PDE6G: variants seen among roughly 807,000 people sequenced by gnomAD.
PDE6G encodes the protein rod cGMP 3',5'-cyclic phosphodiesterase subunit gamma.
In PDE6G, 10 loss-of-function variants were observed where a neutral mutation model predicts 10.9. The observed-to-expected ratio is 0.91, with a 90% confidence interval of 0.56 to 1.55. The LOEUF is 1.55. Ranked by LOEUF, PDE6G falls within the 40% of genes most tolerant of loss-of-function variation. The pLI, the probability that PDE6G is intolerant of heterozygous loss-of-function variation, is 0.00. For synonymous variants in PDE6G, 41 were observed against 42.8 expected (o/e 0.96, Z 0.16); for missense variants, 102 against 110.1 (o/e 0.93, Z 0.33).
At position 81,654,537 on chromosome 17, in the gene PDE6G, A is replaced by G. The variant is rs537303867; in HGVS notation, c.-59-1173T>C. On this transcript the variant is annotated intron_variant, in intron 1 of 3. Coordinates refer to ENST00000331056, the MANE Select transcript of PDE6G (RefSeq NM_002602.4). ...TCAGATTACAGGCATGCGCCACCACACCCAGCTAATTTTTCTTTGTGTTTT... is the reference window on the plus strand; with the variant it reads ...TCAGATTACAGGCATGCGCCACCACGCCCAGCTAATTTTTCTTTGTGTTTT... Among the ~76,000 whole-genome samples the G allele has an allele frequency of 1.6e-3, 234 of 150,730 alleles. 1 individual carries two copies. Among genetic ancestry groups the G allele is most frequent in the African/African-American group, 5.5e-3 (224 of 40,958 alleles).
At chr17:81,657,479 G>A (rs766451848), upstream of PDE6G, among the ~76,000 whole-genome samples, 2 of 152,178 alleles carry the variant, frequency 1.3e-5, no homozygotes, top group Non-Finnish European at 2.9e-5. Context: ...CCTATGACCC[G>A]TGGTCCCTGG....
intron 1 of PDE6G, among the ~76,000 whole-genome samples, chr17:81,662,533 G>A (rs2036522519): frequency 2.0e-5 from 3 of 152,144 alleles, no homozygotes; most frequent in African/African-American, 7.2e-5. Context: ...TGAGGCAGGA[G>A]AATCGCTTGA....
chr17:81,657,654 G>A (rs1207824270), upstream of PDE6G, among the ~76,000 whole-genome samples: 1 of 152,116 alleles, frequency 6.6e-6, no homozygotes, highest in Non-Finnish European at 1.5e-5. Flanking sequence ...GCTGAGGCAG[G>A]TGGATCACAA....
In PDE6G at chr17:81,650,909, T is replaced by C. The variant is rs2036341364; in HGVS notation, c.*165A>G. On this transcript the variant is annotated 3_prime_UTR_variant, in exon 4 of 4. Transcript: ENST00000331056. ...ATCCTAGAGGGAGGTGGTGGGCTCC[T>C]GGTGACTGGTATTAATATGTAGGGG... 1.5e-6 allele frequency: 1 copy of C among 688,992 alleles called. No individual in the cohort carries two copies. The highest frequency in any genetic ancestry group is 1.8e-5 in the African/African-American group (1 of 56,610). The allele number at this position is 688,992 out of a possible 1,614,324, so 42.7% of individuals were successfully genotyped here. A position where few individuals can be genotyped will look rare whatever the true frequency, so the allele number is the denominator to read the frequency against.
Position 81,651,778 on chromosome 17 carries a change from G to T in PDE6G, c.147-93C>A, listed in dbSNP as rs911419005. On this transcript the variant is annotated intron_variant, in intron 2 of 3. Transcript: ENST00000331056. The surrounding 1 kb of genome is among the most constrained non-coding windows in gnomAD (Gnocchi z 4.8). Reference sequence around the variant, plus strand: ...GTCATCTCTAGCCTTCCTAGGAGATGAGGTGTTTGGCTGGGAGCCCAGTGG... The same window carrying T: ...GTCATCTCTAGCCTTCCTAGGAGATTAGGTGTTTGGCTGGGAGCCCAGTGG... 7.2e-7 allele frequency: 1 copy of T among 1,394,256 alleles called. No homozygotes were observed. Among genetic ancestry groups the T allele is most frequent in the Non-Finnish European group, 1.0e-6 (1 of 999,408 alleles). The allele number at this position is 1,394,256 out of a possible 1,614,324, so 86.4% of individuals were successfully genotyped here.
At chr17:81,654,753 T>A (rs1445013720) in intron 1 of PDE6G, among the ~76,000 whole-genome samples, 2 of 99,040 alleles carry the variant, frequency 2.0e-5, no homozygotes, top group Non-Finnish European at 4.2e-5. Context: ...GAATCTCACC[T>A]TTTTTTTTTT....
intron 1 of PDE6G, among the ~76,000 whole-genome samples, chr17:81,655,493 C>T (rs1453239222): frequency 6.6e-6 from 1 of 152,246 alleles, no homozygotes; most frequent in Non-Finnish European, 1.5e-5. Context: ...ATCAGTGTCC[C>T]TGCACTGCTG....
At chr17:81,657,906 A>C (rs2144410840), upstream of PDE6G, among the ~76,000 whole-genome samples, 1 of 145,908 alleles carries the variant, frequency 6.9e-6, no homozygotes, top group South Asian at 2.2e-4. Flanking sequence ...TAAATAAATA[A>C]ATAAATAAAA....
At position 81,654,662 on chromosome 17, in the gene PDE6G, G is replaced by A. The variant is rs990999557; in HGVS notation, c.-59-1298C>T. On this transcript the variant is annotated intron_variant, in intron 1 of 3. Coordinates refer to ENST00000331056, the MANE Select transcript of PDE6G (RefSeq NM_002602.4). ...CTCCCAAAGTGCAGGGATTACAGGC[G>A]TGAGCCACCGCGCCCGGCCTAAAAA... Among the ~76,000 whole-genome samples the A allele has an allele frequency of 3.8e-4, 57 of 151,820 alleles. 1 individual carries two copies. The highest frequency in any genetic ancestry group is 2.5e-4 in the Non-Finnish European group (17 of 67,992).
At chr17:81,654,918 AT>A (rs571010566) in intron 1 of PDE6G, among the ~76,000 whole-genome samples, 72 of 142,180 alleles carry the variant, frequency 5.1e-4, no homozygotes, top group South Asian at 6.7e-4. Flanking sequence ...CGGCTAATTT[AT>A]TTTTTTTTTT....
chr17:81,652,315 C>T (rs544988409), intron 2 of PDE6G, among the ~76,000 whole-genome samples: 12 of 152,132 alleles, frequency 7.9e-5, no homozygotes, highest in Admixed American at 1.3e-4. Context: ...CTCACTCTGT[C>T]GCCCAGGCTG....
At position 81,653,059 on chromosome 17, in the gene PDE6G, C is replaced by A; in HGVS notation, c.146+101G>T. ...CCAGCTGTGAGGCTGGGACCACTCA[C>A]CCAGTGAAGTGGCCCCAGGCTCTGC... On this transcript the variant is annotated intron_variant, in intron 2 of 3. Coordinates refer to ENST00000331056, the MANE Select transcript of PDE6G (RefSeq NM_002602.4). This position sits in a 1 kb window ranked among gnomAD's most constrained non-coding sequence, Gnocchi z 5.2. 3 of 1,346,088 alleles carry A rather than the reference C, an allele frequency of 2.2e-6. No homozygotes were observed. Among genetic ancestry groups the A allele is most frequent in the Non-Finnish European group, 3.2e-6 (3 of 937,614 alleles). 83.4% of individuals were successfully genotyped at this position (1,346,088 alleles called of 1,614,324 possible). A position where few individuals can be genotyped will look rare whatever the true frequency, so the allele number is the denominator to read the frequency against.
upstream of PDE6G, among the ~76,000 whole-genome samples, chr17:81,659,285 T>C (rs980485290): frequency 1.3e-5 from 2 of 151,348 alleles, no homozygotes; most frequent in Non-Finnish European, 2.9e-5. Flanking sequence ...CACTTTAACC[T>C]GGGTGACAGA....
chr17:81,659,257 G>A (rs2036486986), upstream of PDE6G, among the ~76,000 whole-genome samples: 1 of 150,914 alleles, frequency 6.6e-6, no homozygotes, highest in South Asian at 2.1e-4. Context: ...GCTGCAGAGA[G>A]CTATTATTGT....
intron 1 of PDE6G, among the ~76,000 whole-genome samples, chr17:81,654,985 C>T (rs1383922858): frequency 1.3e-5 from 2 of 151,772 alleles, no homozygotes; most frequent in African/African-American, 4.8e-5. Context: ...TCTCGATCTC[C>T]TGACCTCGTG....
At chr17:81,652,528 C>T (rs1294257739) in intron 2 of PDE6G, among the ~76,000 whole-genome samples, 5 of 152,040 alleles carry the variant, frequency 3.3e-5, no homozygotes, top group African/African-American at 7.2e-5. Context: ...CCGCCCGCCT[C>T]GGCCTCCCAA....
chr17:81,662,344 C>T (rs1033807827), intron 1 of PDE6G, among the ~76,000 whole-genome samples: 17 of 152,126 alleles, frequency 1.1e-4, no homozygotes, highest in African/African-American at 3.6e-4. Context: ...ATAAATTGGC[C>T]AGGCATGGTG....
chr17:81,652,370 G>A (rs2036372240), intron 2 of PDE6G, among the ~76,000 whole-genome samples: 4 of 152,108 alleles, frequency 2.6e-5, no homozygotes, highest in East Asian at 1.9e-4. Context: ...TCTGCCTCCC[G>A]GGTTCACACC....
At chr17:81,660,735 G>A (rs1000320557), upstream of PDE6G, among the ~76,000 whole-genome samples, 1 of 152,002 alleles carries the variant, frequency 6.6e-6, no homozygotes, top group East Asian at 1.9e-4. Context: ...CAAGTGATCC[G>A]CCCGTCTCAG....
Sources: gnomAD v4.1 joint callset for allele counts (sites outside exome capture counted in the v4.1 genomes callset) on GRCh38, gnomAD v4.1.1 for gene constraint, Gnocchi (gnomAD v3.1) non-coding constraint, MANE v1.5 for transcripts, NCBI Gene and HGNC (gene_info 2026-07-23, HGNC 2026-07-21) for gene names.